ROBO2: variants seen among roughly 807,000 people sequenced by gnomAD.
The protein encoded by ROBO2 is roundabout guidance receptor 2, also known as roundabout homolog 2.
ROBO2 carries 53 observed loss-of-function variants against 160.8 expected under a neutral mutation model. That is an observed-to-expected ratio of 0.33 (90% CI 0.26 to 0.41). ROBO2 has a LOEUF of 0.41. ROBO2 is among the 10% of genes least tolerant of loss of function. The pLI is 1.00. For synonymous variants in ROBO2, 664 were observed against 611.7 expected, an observed-to-expected ratio of 1.09 and a Z score of -1.26; for missense variants, 1,577 against 1,722.4, an observed-to-expected ratio of 0.92 and a Z score of 1.49.
chr3:76,551,405 C>T (rs930576907), intron 2 of ROBO2, among the ~76,000 whole-genome samples: 22 of 152,240 alleles, frequency 1.4e-4, no homozygotes, highest in African/African-American at 5.3e-4. Flanking sequence ...CAATGAAGCT[C>T]CTTTCCGTCT....
intron 2 of ROBO2, among the ~76,000 whole-genome samples, chr3:77,314,366 G>A (rs555821363): frequency 3.9e-5 from 6 of 152,170 alleles, no homozygotes; most frequent in African/African-American, 1.4e-4. Flanking sequence ...TTAAAGAATT[G>A]CATCCAGCAT....
intron 2 of ROBO2, among the ~76,000 whole-genome samples, chr3:76,560,933 G>T (rs1313513776): frequency 1.6e-5 from 2 of 128,160 alleles, no homozygotes; most frequent in African/African-American, 6.1e-5. Flanking sequence ...TAAGAAGTAA[G>T]ATATATATAT....
intron 2 of ROBO2, among the ~76,000 whole-genome samples, chr3:77,476,593 G>T (rs1188745032): frequency 6.6e-6 from 1 of 152,114 alleles, no homozygotes. Flanking sequence ...CCACCTAAAT[G>T]CAGTCCGATA....
At chr3:77,094,652 A>C (rs2070793452) in intron 1 of ROBO2, among the ~76,000 whole-genome samples, 1 of 152,202 alleles carries the variant, frequency 6.6e-6, no homozygotes, top group African/African-American at 2.4e-5. Context: ...TCACACTAGC[A>C]ATGGATGAGG....
chr3:76,179,473 T>A (rs1214296250), intron 2 of ROBO2, among the ~76,000 whole-genome samples: 1 of 152,120 alleles, frequency 6.6e-6, no homozygotes, highest in Non-Finnish European at 1.5e-5. Flanking sequence ...CCTCCTTACT[T>A]CCCACAGTTA....
chr3:77,412,287 G>A (rs1250945460), intron 2 of ROBO2, among the ~76,000 whole-genome samples: 1 of 152,196 alleles, frequency 6.6e-6, no homozygotes, highest in Admixed American at 6.5e-5. Context: ...TGCCCAGAGG[G>A]CTTCCAAGGA....
chr3:76,633,388 G>A (rs1267072121), intron 2 of ROBO2, among the ~76,000 whole-genome samples: 2 of 152,132 alleles, frequency 1.3e-5, no homozygotes, highest in East Asian at 1.9e-4. Flanking sequence ...AAGGTCAAAA[G>A]AGTCACTTTT....
exon 1 of ROBO2, chr3:77,040,025 T>G (rs1477238787): frequency 1.2e-6 from 1 of 852,438 alleles, no homozygotes; most frequent in Non-Finnish European, 1.4e-6. Context: ...CGCGGGGGTG[T>G]CTGCAGCCTC....
intron 2 of ROBO2, among the ~76,000 whole-genome samples, chr3:77,278,015 T>C (rs1355138807): frequency 6.6e-6 from 1 of 152,204 alleles, no homozygotes; most frequent in Non-Finnish European, 1.5e-5. Flanking sequence ...TGGCATGAGA[T>C]AGTATCTCAT....
intron 2 of ROBO2, among the ~76,000 whole-genome samples, chr3:76,946,561 C>T (rs1361053113): frequency 2.6e-5 from 4 of 152,110 alleles, no homozygotes; most frequent in South Asian, 2.1e-4. Context: ...TCTCAGCCTC[C>T]GGAGTAGCTG....
intron 2 of ROBO2, among the ~76,000 whole-genome samples, chr3:76,545,782 T>G (rs1343980017): frequency 6.6e-6 from 1 of 151,944 alleles, no homozygotes; most frequent in Non-Finnish European, 1.5e-5. Flanking sequence ...TTATTCTAAA[T>G]TTTTTCTTTC....
At chr3:76,234,171 A>T (rs1033745002) in intron 2 of ROBO2, among the ~76,000 whole-genome samples, 36 of 152,202 alleles carry the variant, frequency 2.4e-4, no homozygotes, top group African/African-American at 8.4e-4. Context: ...TCATGGTTGC[A>T]TAGTATTCCA....
intron 2 of ROBO2, among the ~76,000 whole-genome samples, chr3:76,513,176 T>C (rs887826083): frequency 4.6e-5 from 7 of 152,124 alleles, no homozygotes. Flanking sequence ...GTAAGAGCTA[T>C]AAATTTTATT....
intron 2 of ROBO2, among the ~76,000 whole-genome samples, chr3:76,778,558 TA>T (rs1295532288): frequency 6.6e-6 from 1 of 151,090 alleles, no homozygotes; most frequent in East Asian, 2.0e-4. Context: ...TATGGGCCCA[TA>T]AAAAATAATC....
At chr3:77,245,883 A>G (rs978681076) in intron 2 of ROBO2, among the ~76,000 whole-genome samples, 1 of 152,216 alleles carries the variant, frequency 6.6e-6, no homozygotes, top group Non-Finnish European at 1.5e-5. Flanking sequence ...TAGAAATCAC[A>G]GTAAGCTGAA....
chr3:77,512,354 T>C (rs2089499004), intron 5 of ROBO2, among the ~76,000 whole-genome samples: 1 of 151,976 alleles, frequency 6.6e-6, no homozygotes, highest in Non-Finnish European at 1.5e-5. Flanking sequence ...TTTCCTATTT[T>C]CAGCTCTCAA....
At chr3:76,710,553 G>C (rs1159200907) in intron 2 of ROBO2, among the ~76,000 whole-genome samples, 1 of 152,164 alleles carries the variant, frequency 6.6e-6, no homozygotes, top group Non-Finnish European at 1.5e-5. Context: ...ACTGCCTTTT[G>C]GATTTGGTTA....
At chr3:76,350,924 T>G (rs2074833971) in intron 2 of ROBO2, among the ~76,000 whole-genome samples, 1 of 151,892 alleles carries the variant, frequency 6.6e-6, no homozygotes, top group African/African-American at 2.4e-5. Context: ...AAAAAGACAA[T>G]CGGGACACAT....
chr3:77,261,688 G>T (rs1441487978), intron 2 of ROBO2, among the ~76,000 whole-genome samples: 6 of 151,960 alleles, frequency 3.9e-5, no homozygotes, highest in African/African-American at 9.7e-5. Flanking sequence ...TTTCAAATGG[G>T]TTCATTACCA....
Sources: gnomAD v4.1 joint callset for allele counts (sites outside exome capture counted in the v4.1 genomes callset) on GRCh38, gnomAD v4.1.1 for gene constraint, MANE v1.5 for transcripts, NCBI Gene and HGNC (gene_info 2026-07-23, HGNC 2026-07-21) for gene names.